Variants in FRZB observed in about 807,000 individuals in gnomAD.
FRZB encodes frizzled related protein, also known as secreted frizzled-related protein 3.
FRZB carries 34 observed loss-of-function variants against 32.5 expected under a neutral mutation model. The observed-to-expected ratio is 1.05, with a 90% confidence interval of 0.80 to 1.39. FRZB has a LOEUF of 1.39. Among genes scored for constraint, FRZB ranks in the 40% most tolerant of loss-of-function variants. FRZB has a pLI of 0.00. For missense variants in FRZB, 423 were observed against 424.8 expected, an observed-to-expected ratio of 1.00 and a Z score of 0.04; for synonymous variants, 170 against 159.2, an observed-to-expected ratio of 1.07 and a Z score of -0.51.
At chr2:182,850,252 A>T (rs748103592) in intron 2 of FRZB, among the ~76,000 whole-genome samples, 1 of 152,230 alleles carries the variant, frequency 6.6e-6, no homozygotes, top group Non-Finnish European at 1.5e-5. Flanking sequence ...TATTGTACAT[A>T]TTGAAATGTA....
At chr2:182,848,342 T>C (rs1574985283) in intron 2 of FRZB, among the ~76,000 whole-genome samples, 3 of 152,136 alleles carry the variant, frequency 2.0e-5, no homozygotes, top group Admixed American at 1.3e-4. Context: ...GATGCCATGG[T>C]GGAACTTGTT....
chr2:182,836,486 A>G (rs2105750890), intron 5 of FRZB, among the ~76,000 whole-genome samples: 1 of 152,194 alleles, frequency 6.6e-6, no homozygotes, highest in East Asian at 1.9e-4. Context: ...TGACTTTACA[A>G]TAATAACTCT....
chr2:182,837,577 C>T (rs1033264985), intron 5 of FRZB, among the ~76,000 whole-genome samples: 2 of 151,952 alleles, frequency 1.3e-5, no homozygotes, highest in African/African-American at 2.4e-5. Flanking sequence ...AGAGGCAGAG[C>T]AGCCATCTTG....
intron 3 of FRZB, among the ~76,000 whole-genome samples, chr2:182,840,148 T>A (rs1695571882): frequency 6.6e-6 from 1 of 152,126 alleles, no homozygotes; most frequent in Non-Finnish European, 1.5e-5. Context: ...CCTCGCTTGG[T>A]TTGACTGGCA....
chr2:182,845,996 A>G (rs899431588), intron 2 of FRZB, among the ~76,000 whole-genome samples: 5 of 152,256 alleles, frequency 3.3e-5, no homozygotes, highest in African/African-American at 1.2e-4. Context: ...TGATACACGC[A>G]GTGCCCGAGC....
At chr2:182,838,336 C>T in intron 4 of FRZB, 73 bp downstream of exon 4, 1 of 1,250,516 alleles carries the variant, frequency 8.0e-7, no homozygotes, top group South Asian at 1.3e-5. Context: ...GCGAGGGTAG[C>T]ATCTCTAGAG....
chr2:182,838,856 A>G (rs1215889923), intron 3 of FRZB, among the ~76,000 whole-genome samples: 1 of 152,054 alleles, frequency 6.6e-6, no homozygotes, highest in African/African-American at 2.4e-5. Flanking sequence ...ATTTGCATGT[A>G]TTTATGCATG....
Position 182,834,621 on chromosome 2 carries a change from G to A in FRZB, c.*228C>T. Reference sequence around the variant, plus strand: ...AGTTTTTCTCATGATTAGTGAAATAGAAAACTCACAATATACTTAAGAGTC... The same window carrying A: ...AGTTTTTCTCATGATTAGTGAAATAAAAAACTCACAATATACTTAAGAGTC... On this transcript the variant is annotated 3_prime_UTR_variant, in exon 6 of 6. Transcript: ENST00000295113. 2.0e-6 allele frequency: 1 copy of A among 493,422 alleles called. No homozygotes were observed. The allele number at this position is 493,422 out of a possible 1,614,324, so 30.6% of individuals were successfully genotyped here.
intron 2 of FRZB, among the ~76,000 whole-genome samples, chr2:182,856,702 G>A (rs1385691159): frequency 6.6e-6 from 1 of 151,970 alleles, no homozygotes; most frequent in Non-Finnish European, 1.5e-5. Context: ...ATAATTTAGA[G>A]CAGAGAAAAT....
At chr2:182,839,784 C>G (rs1225261326) in intron 3 of FRZB, among the ~76,000 whole-genome samples, 4 of 151,998 alleles carry the variant, frequency 2.6e-5, no homozygotes, top group African/African-American at 4.8e-5. Context: ...AGTTCACTAT[C>G]CATGGACATT....
intron 2 of FRZB, among the ~76,000 whole-genome samples, chr2:182,846,535 T>C (rs973856348): frequency 6.6e-6 from 1 of 152,180 alleles, no homozygotes; most frequent in Non-Finnish European, 1.5e-5. Flanking sequence ...TACAATCTCC[T>C]TTATAACTTT....
chr2:182,854,175 T>C (rs1574987163), intron 2 of FRZB, among the ~76,000 whole-genome samples: 1 of 152,106 alleles, frequency 6.6e-6, no homozygotes, highest in African/African-American at 2.4e-5. Flanking sequence ...GCTTCTGGAG[T>C]GCTGGTAATG....
At chr2:182,839,669 T>A (rs1695565510) in intron 3 of FRZB, among the ~76,000 whole-genome samples, 1 of 152,070 alleles carries the variant, frequency 6.6e-6, no homozygotes, top group Admixed American at 6.6e-5. Context: ...AGATTCCTGC[T>A]TCTAGTAAAT....
chr2:182,850,159 C>T (rs1259318068), intron 2 of FRZB, among the ~76,000 whole-genome samples: 1 of 141,818 alleles, frequency 7.1e-6, no homozygotes, highest in African/African-American at 2.7e-5. Context: ...TATTTTCATA[C>T]ATTCATATAA....
chr2:182,833,497 TGG>T lies in FRZB; in HGVS notation c.*1350_*1351del. 1 of 152,270 alleles carries T rather than the reference TGG, an allele frequency of 6.6e-6. No individual in the cohort carries two copies. The highest frequency in any genetic ancestry group is 1.9e-4 in the East Asian group (1 of 5,172). The allele number at this position is 152,270 out of a possible 1,614,324, so 9.4% of individuals were successfully genotyped here. ...GAAAATATCGTAAGTTGAAATGCAT[TGG>T]GTTACATCCTGATAAACCCATTGTA... On this transcript the variant is annotated 3_prime_UTR_variant, in exon 6 of 6. Coordinates refer to ENST00000295113, the MANE Select transcript of FRZB (RefSeq NM_001463.4).
chr2:182,844,062 T>C (rs144064943), intron 2 of FRZB, among the ~76,000 whole-genome samples: 21 of 152,324 alleles, frequency 1.4e-4, no homozygotes, highest in Middle Eastern at 3.4e-3. Context: ...CACTTTAACA[T>C]AGCAGTCCCG....
intron 2 of FRZB, among the ~76,000 whole-genome samples, chr2:182,853,498 C>G (rs1286130426): frequency 6.6e-6 from 1 of 152,096 alleles, no homozygotes; most frequent in African/African-American, 2.4e-5. Context: ...TACTGGACAG[C>G]AATGATTTCC....
intron 1 of FRZB, 26 bp from the exon 2 acceptor site, chr2:182,858,859 A>C (rs375473382): frequency 2.7e-5 from 42 of 1,565,876 alleles, no homozygotes; most frequent in Non-Finnish European, 3.4e-5. Context: ...AGAAAAAAGA[A>C]CTATAACATA....
intron 2 of FRZB, among the ~76,000 whole-genome samples, chr2:182,845,251 G>T (rs1695627404): frequency 6.6e-6 from 1 of 152,072 alleles, no homozygotes; most frequent in South Asian, 2.1e-4. Flanking sequence ...GAGGTATGTT[G>T]CATGCATTAG....
Sources: gnomAD v4.1 joint callset for allele counts (sites outside exome capture counted in the v4.1 genomes callset) on GRCh38, gnomAD v4.1.1 for gene constraint, MANE v1.5 for transcripts, NCBI Gene and HGNC (gene_info 2026-07-23, HGNC 2026-07-21) for gene names.